ANKRD28: variants seen among roughly 807,000 people sequenced by gnomAD.
The protein encoded by ANKRD28 is ankyrin repeat domain 28.
In ANKRD28, 44 loss-of-function variants were observed where a neutral mutation model predicts 126.5. That is an observed-to-expected ratio of 0.35 (90% CI 0.27 to 0.45). The LOEUF is 0.45. Ranked by LOEUF, ANKRD28 falls within the 20% of genes least tolerant of loss-of-function variation. ANKRD28 has a pLI of 1.00. For missense variants in ANKRD28, 1,110 were observed against 1,316.6 expected, an observed-to-expected ratio of 0.84 and a Z score of 2.43; for synonymous variants, 442 against 468.5, an observed-to-expected ratio of 0.94 and a Z score of 0.73.
intron 1 of ANKRD28, among the ~76,000 whole-genome samples, chr3:15,847,130 C>T (rs2061547886): frequency 6.6e-6 from 1 of 152,056 alleles, no homozygotes. Flanking sequence ...TTTAAGCTTG[C>T]CAAGTGACTC....
At chr3:15,809,993 T>C (rs1180805091) in intron 1 of ANKRD28, among the ~76,000 whole-genome samples, 2 of 152,056 alleles carry the variant, frequency 1.3e-5, no homozygotes, top group Admixed American at 1.3e-4. Context: ...ACAAAATGTA[T>C]AGGTTTGCAT....
intron 11 of ANKRD28, 102 bp downstream of exon 11, chr3:15,712,038 C>T: frequency 4.5e-6 from 4 of 884,030 alleles, no homozygotes; most frequent in African/African-American, 3.3e-5. Flanking sequence ...ATTATCCATA[C>T]TGGACCCATC....
At chr3:15,819,668 G>A (rs944671258) in intron 1 of ANKRD28, among the ~76,000 whole-genome samples, 3 of 152,124 alleles carry the variant, frequency 2.0e-5, no homozygotes, top group Non-Finnish European at 2.9e-5. Flanking sequence ...CCTGTTACAA[G>A]TTACACAGAT....
intron 1 of ANKRD28, among the ~76,000 whole-genome samples, chr3:15,820,262 A>G (rs572800723): frequency 7.9e-5 from 12 of 152,308 alleles, no homozygotes; most frequent in African/African-American, 2.9e-4. Flanking sequence ...TATAATACAC[A>G]TGGCATACAG....
At chr3:15,761,149 T>C (rs1194960586) in intron 3 of ANKRD28, among the ~76,000 whole-genome samples, 1 of 152,224 alleles carries the variant, frequency 6.6e-6, no homozygotes, top group Non-Finnish European at 1.5e-5. Context: ...GACTATTGTA[T>C]GTTCTTATGA....
At chr3:15,734,424 T>C (rs528350246) in intron 6 of ANKRD28, among the ~76,000 whole-genome samples, 2 of 152,312 alleles carry the variant, frequency 1.3e-5, no homozygotes, top group South Asian at 4.1e-4. Flanking sequence ...CAGGGAATGA[T>C]ACAAATATTA....
chr3:15,740,792 CGTAGGTAAGT>C (rs2075398074), intron 4 of ANKRD28, among the ~76,000 whole-genome samples: 2 of 152,116 alleles, frequency 1.3e-5, no homozygotes, highest in African/African-American at 4.8e-5. Flanking sequence ...AGTAGGTAAG[CGTAGGTAAGT>C]GGGCACCTAA....
intron 4 of ANKRD28, among the ~76,000 whole-genome samples, chr3:15,746,459 G>A (rs1376108199): frequency 6.6e-6 from 1 of 152,106 alleles, no homozygotes; most frequent in Non-Finnish European, 1.5e-5. Context: ...TGCATCTATT[G>A]GGATGATCAT....
intron 1 of ANKRD28, among the ~76,000 whole-genome samples, chr3:15,851,537 C>CT (rs1449203894): frequency 6.7e-6 from 1 of 148,784 alleles, no homozygotes; most frequent in Admixed American, 6.7e-5. Context: ...AAGTGAGACT[C>CT]TGTGTCAAAA....
intron 17 of ANKRD28, among the ~76,000 whole-genome samples, chr3:15,693,217 T>C (rs143030085): frequency 3.9e-5 from 6 of 152,306 alleles, no homozygotes; most frequent in African/African-American, 1.4e-4. Context: ...TGCTGAACTG[T>C]ACAATTAGAA....
intron 4 of ANKRD28, among the ~76,000 whole-genome samples, chr3:15,742,440 G>T (rs2057121802): frequency 6.7e-6 from 1 of 148,668 alleles, no homozygotes; most frequent in Non-Finnish European, 1.5e-5. Flanking sequence ...CCCCGTCTGG[G>T]AGGTGAGGAG....
chr3:15,735,569 GTTAC>G, intron 5 of ANKRD28, 72 bp from the exon 6 acceptor site: 1 of 1,187,396 alleles, frequency 8.4e-7, no homozygotes, highest in Non-Finnish European at 1.2e-6. Context: ...ATTTCTGACA[GTTAC>G]TTATCTCAAC....
At position 15,741,697 on chromosome 3, in the gene ANKRD28, C is replaced by CTTTTTTTTTTTTTTTTTTTTTTTTTTT. The variant is rs58655271; in HGVS notation, c.352-4491_352-4465dup. 3.0e-4 allele frequency among the ~76,000 whole-genome samples: 10 copies of CTTTTTTTTTTTTTTTTTTTTTTTTTTT among 33,664 alleles called. 1 individual carries two copies. The highest frequency in any genetic ancestry group is 4.3e-4 in the Non-Finnish European group (7 of 16,262). 22.1% of individuals were successfully genotyped at this position (33,664 alleles called of 152,430 possible). On this transcript the variant is annotated intron_variant, in intron 4 of 27. Coordinates refer to ENST00000683139, the MANE Select transcript of ANKRD28 (RefSeq NM_001349278.2). Reference sequence around the variant, plus strand: ...ACCAGTTTTCCCCTTTGGTTCTATCCTTTTTTTTTTTTTTTTTTTTTTTTT... The same window carrying CTTTTTTTTTTTTTTTTTTTTTTTTTTT: ...ACCAGTTTTCCCCTTTGGTTCTATCCTTTTTTTTTTTTTTTTTTTTTTTTTTTTTTTTTTTTTTTTTTTTTTTTTTTT...
intron 4 of ANKRD28, among the ~76,000 whole-genome samples, chr3:15,743,384 A>AAC (rs1553616013): frequency 4.0e-5 from 6 of 151,886 alleles, no homozygotes; most frequent in Admixed American, 6.6e-5. Context: ...ACAAAAAAAA[A>AAC]CAAAACATAT....
At position 15,791,823 on chromosome 3, in the gene ANKRD28, C is replaced by T. The variant is rs139666975; in HGVS notation, c.201+3400G>A. Among the ~76,000 whole-genome samples the T allele has an allele frequency of 1.1e-4, 17 of 152,124 alleles. No individual in the cohort carries two copies. The East Asian group carries it at 1.5e-3, about 14-fold the overall frequency. On this transcript the variant is annotated intron_variant, in intron 2 of 27. Coordinates refer to ENST00000683139, the MANE Select transcript of ANKRD28 (RefSeq NM_001349278.2). The stretch of plus-strand genomic sequence containing the variant: ...CAAAGTGAAGAGACAACCCACAGAA[C>T]GAGAGAAAACATTTGCAAACTACCC...
At chr3:15,784,759 A>C (rs2059697446) in intron 2 of ANKRD28, among the ~76,000 whole-genome samples, 1 of 152,056 alleles carries the variant, frequency 6.6e-6, no homozygotes, top group African/African-American at 2.4e-5. Context: ...TATTGTCTGT[A>C]AAAAACCTTT....
chr3:15,799,839 G>A (rs2060424550), upstream of ANKRD28, among the ~76,000 whole-genome samples: 1 of 151,938 alleles, frequency 6.6e-6, no homozygotes, highest in Non-Finnish European at 1.5e-5. Context: ...CATACATATT[G>A]TCTCCTTCCA....
intron 3 of ANKRD28, among the ~76,000 whole-genome samples, chr3:15,754,946 G>A (rs571607846): frequency 6.6e-6 from 1 of 152,030 alleles, no homozygotes; most frequent in African/African-American, 2.4e-5. Context: ...GTGAAACCCA[G>A]GCCCTACTAA....
At chr3:15,821,392 A>C (rs1024906370) in intron 1 of ANKRD28, among the ~76,000 whole-genome samples, 4 of 152,242 alleles carry the variant, frequency 2.6e-5, no homozygotes, top group African/African-American at 9.6e-5. Context: ...CTTTTAGAAA[A>C]TGTAAAGATG....
Sources: allele counts gnomAD v4.1 joint callset (sites outside exome capture counted in the v4.1 genomes callset), GRCh38; gene constraint gnomAD v4.1.1; transcripts MANE v1.5; gene names NCBI Gene and HGNC (gene_info 2026-07-23, HGNC 2026-07-21).